KDM4B: variants seen among roughly 807,000 people sequenced by gnomAD.
The protein encoded by KDM4B is lysine demethylase 4B.
In KDM4B, 32 loss-of-function variants were observed where a neutral mutation model predicts 125.2. That is an observed-to-expected ratio of 0.26 (90% CI 0.19 to 0.34). KDM4B has a LOEUF of 0.34. Among genes scored for constraint, KDM4B ranks in the 10% least tolerant of loss-of-function variants. KDM4B has a pLI of 1.00. For synonymous variants in KDM4B, 721 were observed against 677.9 expected, an observed-to-expected ratio of 1.06 and a Z score of -0.99; for missense variants, 1,190 against 1,577.7, an observed-to-expected ratio of 0.75 and a Z score of 4.16.
intron 1 of KDM4B, among the ~76,000 whole-genome samples, chr19:4,994,622 A>T (rs937034454): frequency 6.7e-6 from 1 of 148,608 alleles, no homozygotes; most frequent in East Asian, 2.0e-4. Flanking sequence ...ATAGTATAGT[A>T]TATAGTTGGA....
rs542964862 is a variant in KDM4B, at chr19:5,042,686, G to GC, written c.432+1435_432+1436insC. On this transcript the variant is annotated intron_variant, in intron 5 of 22. Transcript: ENST00000159111. Reference sequence around the variant, plus strand: ...TTACACAGCAGGAGAGAGTGAGGGGGGGGGCGCCGTAGGCTTTTCAACAGC... The same window carrying GC: ...TTACACAGCAGGAGAGAGTGAGGGGGCGGGGCGCCGTAGGCTTTTCAACAGC... Among the ~76,000 whole-genome samples, 35 of 151,790 alleles carry GC rather than the reference G, an allele frequency of 2.3e-4. 1 individual carries two copies. In the South Asian group the frequency reaches 5.7e-3, roughly 25 times the overall value.
intron 6 of KDM4B, among the ~76,000 whole-genome samples, chr19:5,062,297 T>C (rs1017332201): frequency 6.6e-6 from 1 of 152,204 alleles, no homozygotes; most frequent in African/African-American, 2.4e-5. Flanking sequence ...CATCTTTATC[T>C]CTCCAGACTG....
intron 1 of KDM4B, among the ~76,000 whole-genome samples, chr19:5,009,706 A>G (rs1242735285): frequency 1.3e-5 from 2 of 152,036 alleles, no homozygotes; most frequent in East Asian, 1.9e-4. Flanking sequence ...AGCCAATTCC[A>G]TACTACCATG....
intron 1 of KDM4B, among the ~76,000 whole-genome samples, chr19:5,004,900 C>T (rs531931154): frequency 2.0e-5 from 3 of 152,136 alleles, no homozygotes; most frequent in Non-Finnish European, 4.4e-5. Context: ...GGCTTTGGTG[C>T]CGGAACCAGG....
intron 10 of KDM4B, among the ~76,000 whole-genome samples, chr19:5,118,695 C>T (rs1398724765): frequency 1.3e-5 from 2 of 152,240 alleles, no homozygotes; most frequent in Non-Finnish European, 2.9e-5. Flanking sequence ...GCAGGGTCAC[C>T]TGGCTGTCAC....
chr19:5,129,823 C>G (rs1352341058), intron 11 of KDM4B, among the ~76,000 whole-genome samples: 2 of 152,328 alleles, frequency 1.3e-5, no homozygotes, highest in East Asian at 1.9e-4. Context: ...TCACGGTGTT[C>G]TGGGGTCCAC....
rs148866884 is a variant in KDM4B at position 5,134,028 on chromosome 19, C to T, written c.2052C>T (p.Cys684=). The change falls in exon 14 of 23, where the codon TGC becomes TGT. Residue 684 remains cysteine (C), a synonymous_variant. Transcript: ENST00000159111. ...CGGCTGCGCGCACGGAGCCCTACTG[C>T]GCCATCTGCACGCTCTTCTACCCCT... ...NAAAARTEPY[C]AICTLFYPYC... is the part of the protein sequence containing the mutation. The T allele has an allele frequency of 3.9e-5, 63 of 1,608,000 alleles. No individual in the cohort carries two copies. The highest frequency in any genetic ancestry group is 1.6e-4 in the Middle Eastern group (1 of 6,076).
chr19:4,978,026 C>T (rs1370318537), intron 1 of KDM4B, among the ~76,000 whole-genome samples: 3 of 152,190 alleles, frequency 2.0e-5, no homozygotes, highest in Non-Finnish European at 4.4e-5. Flanking sequence ...GAGCGGGCCT[C>T]CTGTCTTGCA....
intron 11 of KDM4B, among the ~76,000 whole-genome samples, 187 bp from the exon 12 acceptor site, chr19:5,130,889 C>T (rs1016462098): frequency 6.6e-6 from 1 of 152,252 alleles, no homozygotes; most frequent in African/African-American, 2.4e-5. Flanking sequence ...GGTGCCTGGC[C>T]AGGTGCCCCT....
chr19:5,150,429 C>T lies in KDM4B; in HGVS notation c.3093C>T (p.Pro1031=). 1 of 1,550,888 alleles carries T rather than the reference C, an allele frequency of 6.4e-7. No homozygotes were observed. Among genetic ancestry groups the T allele is most frequent in the South Asian group, 1.2e-5 (1 of 84,040 alleles). Residue 1031 remains proline, a synonymous_variant, in exon 22 of 23, where the codon CCC becomes CCT. Transcript: ENST00000159111. ...TCTTCACCCTGGAGGAGGAGCTGCC[C>T]AAGAGGGTCCGCTCTCGGCTGGTGA... is the stretch of plus-strand genomic sequence containing the variant. The part of the protein sequence containing the change: ...GDIFTLEEEL[P]KRVRSRLSLS...
At chr19:4,989,899 C>T (rs1487408023) in intron 1 of KDM4B, among the ~76,000 whole-genome samples, 6 of 152,210 alleles carry the variant, frequency 3.9e-5, no homozygotes, top group African/African-American at 1.2e-4. Flanking sequence ...GTGATCCACT[C>T]GCCTCGGCCT....
chr19:5,150,245 G>T, intron 21 of KDM4B, 113 bp from the exon 22 acceptor site: 4 of 715,628 alleles, frequency 5.6e-6, no homozygotes, highest in Non-Finnish European at 7.0e-6. Flanking sequence ...GTGGCCTCTA[G>T]CGGGCCCCAT....
At chr19:5,139,560 C>T (rs1215064990) in intron 18 of KDM4B, among the ~76,000 whole-genome samples, 3 of 152,224 alleles carry the variant, frequency 2.0e-5, no homozygotes, top group Non-Finnish European at 1.5e-5. Flanking sequence ...CAGGGCTTTC[C>T]CCTTCCCCTC....
In KDM4B at chr19:5,082,936, G is replaced by C. The variant is rs143515513; in HGVS notation, c.918+432G>C. Among the ~76,000 whole-genome samples, 29 of 152,274 alleles carry C rather than the reference G, an allele frequency of 1.9e-4. No homozygotes were observed. Among genetic ancestry groups the C allele is most frequent in the African/African-American group, 7.0e-4 (29 of 41,552 alleles). On this transcript the variant is annotated intron_variant, in intron 9 of 22. Coordinates refer to ENST00000159111, the MANE Select transcript of KDM4B (RefSeq NM_015015.3). This position sits in a 1 kb window ranked among gnomAD's most constrained non-coding sequence, Gnocchi z 5.4. ...TGCTGACATCTCTCTCCTGGGGGCC[G>C]CTTGGCCAGGCAGGAGCCCACTCAG...
intron 1 of KDM4B, among the ~76,000 whole-genome samples, chr19:5,006,641 C>T (rs1019693560): frequency 3.9e-5 from 6 of 152,044 alleles, no homozygotes; most frequent in African/African-American, 7.2e-5. Flanking sequence ...GGCATGGTGG[C>T]GCATGCCTGT....
intron 6 of KDM4B, among the ~76,000 whole-genome samples, chr19:5,049,341 A>G (rs1302436398): frequency 6.6e-6 from 1 of 151,960 alleles, no homozygotes; most frequent in Non-Finnish European, 1.5e-5. Context: ...TGCCACTCCC[A>G]TGTCTACCCT....
intron 9 of KDM4B, among the ~76,000 whole-genome samples, chr19:5,093,726 G>A (rs1421110147): frequency 2.0e-5 from 3 of 152,196 alleles, no homozygotes; most frequent in East Asian, 1.9e-4. Context: ...GAGTGTGACC[G>A]CCACTCGCCC....
chr19:5,055,678 G>A (rs2037373998), intron 6 of KDM4B, among the ~76,000 whole-genome samples: 1 of 152,162 alleles, frequency 6.6e-6, no homozygotes, highest in Admixed American at 6.5e-5. Flanking sequence ...GGGACTGGGA[G>A]GACACCCCAC....
rs369492866 is a variant in KDM4B, at chr19:5,104,693, T to G, written c.919-5929T>G. ...CTTCCAAAATAGGACTGCTTTTAGG[T>G]GGAGCGTATTGGAACTGATGTCAGT... is the stretch of plus-strand genomic sequence containing the variant. On this transcript the variant is annotated intron_variant, in intron 9 of 22. Transcript: ENST00000159111. Among the ~76,000 whole-genome samples the G allele has an allele frequency of 1.6e-4, 24 of 152,080 alleles. No individual in the cohort carries two copies. In the South Asian group the frequency reaches 3.5e-3, roughly 22 times the overall value.
Sources: allele counts gnomAD v4.1 joint callset (sites outside exome capture counted in the v4.1 genomes callset), GRCh38; gene constraint gnomAD v4.1.1; non-coding constraint Gnocchi (gnomAD v3.1); transcripts MANE v1.5; gene names NCBI Gene and HGNC (gene_info 2026-07-23, HGNC 2026-07-21).